The following UNC13C variants were observed in gnomAD, a reference collection of about 807,000 sequenced individuals.
UNC13C encodes the protein unc-13 homolog C.
A neutral mutation model predicts 245.4 loss-of-function variants in UNC13C; 174 were observed. The ratio of observed to expected loss-of-function variants is 0.71; its 90% CI spans 0.63 to 0.80. The LOEUF is 0.80. Among genes scored for constraint, UNC13C ranks in the 30% least tolerant of loss-of-function variants. The pLI is 0.00. For synonymous variants in UNC13C, 992 were observed against 895.1 expected (o/e 1.11, Z -1.93); for missense variants, 2,829 against 2,602.9 (o/e 1.09, Z -1.89).
rs761296402 is a variant in UNC13C, at chr15:54,627,070, T to TAA, written c.6603_6604dup (p.Arg2202LysfsTer21). On this transcript the variant is annotated frameshift_variant, in exon 33 of 33. Coordinates refer to ENST00000260323, the MANE Select transcript of UNC13C (RefSeq NM_001080534.3). LOFTEE classifies it high-confidence loss of function. ...AGTGATGATGTGGCTAAAGAATTTG[T>TAA]AAGACTTAAATCTGAAACAAGATCT... The TAA allele has an allele frequency of 1.2e-6, 2 of 1,612,784 alleles. No homozygotes were observed.
intron 4 of UNC13C, among the ~76,000 whole-genome samples, chr15:54,150,407 G>A (rs2032464209): frequency 6.6e-6 from 1 of 152,210 alleles, no homozygotes; most frequent in Non-Finnish European, 1.5e-5. Context: ...ATTGTATCAT[G>A]CCTGTTAGTC....
Position 54,381,893 on chromosome 15 carries a change from G to A in UNC13C, c.4714-11155G>A, listed in dbSNP as rs373214727. Among the ~76,000 whole-genome samples, 13 of 152,212 alleles carry A rather than the reference G, an allele frequency of 8.5e-5. No individual in the cohort carries two copies. The East Asian group carries it at 1.4e-3, about 16-fold the overall frequency. ...GACATTGGACTTAAACTGAACTTGC[G>A]ACCAAATGAATCTAACAGATACTTA... is the stretch of plus-strand genomic sequence containing the variant. On this transcript the variant is annotated intron_variant, in intron 17 of 32. Coordinates refer to ENST00000260323, the MANE Select transcript of UNC13C (RefSeq NM_001080534.3).
rs141799517 is a variant in UNC13C, at chr15:54,579,584, C to T, written c.6106+11637C>T. Among the ~76,000 whole-genome samples, 1,080 of 151,964 alleles carry T rather than the reference C, an allele frequency of 7.1e-3. 18 individuals carry two copies. The highest frequency in any genetic ancestry group is 0.025 in the African/African-American group (1,044 of 41,446). On this transcript the variant is annotated intron_variant, in intron 30 of 32. Transcript: ENST00000260323. ...CCTTCCAGCTAACACAGTGAAACCT[C>T]GTCTCTACTAAAAATACAAAAAAAA... is the stretch of plus-strand genomic sequence containing the variant.
chr15:53,841,460 T>A, the UNC13C span, among the ~76,000 whole-genome samples: 2 of 152,190 alleles, frequency 1.3e-5, no homozygotes, highest in Non-Finnish European at 2.9e-5. Context: ...ACTGAATATC[T>A]TCTTTCTCAA....
chr15:54,183,099 T>G (rs977406236), intron 4 of UNC13C, among the ~76,000 whole-genome samples: 2 of 151,784 alleles, frequency 1.3e-5, no homozygotes, highest in African/African-American at 4.8e-5. Flanking sequence ...AAAAACATTT[T>G]ACAAACCCGA....
At chr15:54,141,394 T>TG (rs2032011349) in intron 2 of UNC13C, among the ~76,000 whole-genome samples, 1 of 152,154 alleles carries the variant, frequency 6.6e-6, no homozygotes, top group Admixed American at 6.5e-5. Context: ...AATTATGCTT[T>TG]GGACAGTTTC....
intron 8 of UNC13C, among the ~76,000 whole-genome samples, chr15:54,252,705 A>G (rs2036183765): frequency 6.6e-6 from 1 of 152,214 alleles, no homozygotes; most frequent in Admixed American, 6.5e-5. Flanking sequence ...CATGAATGCC[A>G]ACACTGAAGA....
At chr15:54,080,997 G>T (rs1238242920) in intron 2 of UNC13C, among the ~76,000 whole-genome samples, 1 of 151,864 alleles carries the variant, frequency 6.6e-6, no homozygotes, top group Non-Finnish European at 1.5e-5. Context: ...ATTGGTTTTG[G>T]TATGTTGTGT....
rs975357250 is a variant in UNC13C, at chr15:54,015,874, A to G, written c.2971A>G (p.Ile991Val). ...KKQMAELEEKILAGDSSSVDE... is the reference protein window; with the variant it reads ...KKQMAELEEKVLAGDSSSVDE... ...GCAAATGGCAGAGTTGGAAGAGAAGATCTTGGCTGGAGGTATTCATGTTTA... is the reference window on the plus strand; with the variant it reads ...GCAAATGGCAGAGTTGGAAGAGAAGGTCTTGGCTGGAGGTATTCATGTTTA... Residue 991 changes from isoleucine (I) to valine (V), a missense_variant, in exon 2 of 33, where the codon ATC (isoleucine) becomes GTC (valine). Coordinates refer to ENST00000260323, the MANE Select transcript of UNC13C (RefSeq NM_001080534.3). The G allele has an allele frequency of 6.3e-7, 1 of 1,587,468 alleles. No individual in the cohort carries two copies. The highest frequency in any genetic ancestry group is 8.6e-7 in the Non-Finnish European group (1 of 1,168,940).
At chr15:54,441,043 T>C (rs890876202) in intron 19 of UNC13C, among the ~76,000 whole-genome samples, 1 of 152,124 alleles carries the variant, frequency 6.6e-6, no homozygotes, top group Non-Finnish European at 1.5e-5. Context: ...GAGTTCCTTC[T>C]ATATACTGAA....
chr15:53,963,961 A>G, the UNC13C span, among the ~76,000 whole-genome samples: 1 of 152,170 alleles, frequency 6.6e-6, no homozygotes, highest in Non-Finnish European at 1.5e-5. Context: ...TTAGCACCCA[A>G]GTTCTTTCTG....
At chr15:54,565,125 C>T (rs1170575877) in intron 29 of UNC13C, among the ~76,000 whole-genome samples, 1 of 151,898 alleles carries the variant, frequency 6.6e-6, no homozygotes, top group Non-Finnish European at 1.5e-5. Flanking sequence ...TTTGCTGGCT[C>T]CTTAGATAAC....
chr15:54,294,365 T>C (rs940664580), intron 11 of UNC13C, among the ~76,000 whole-genome samples: 6 of 152,148 alleles, frequency 3.9e-5, no homozygotes, highest in African/African-American at 1.4e-4. Flanking sequence ...TCACAAACCC[T>C]TGCCAAATAC....
intron 30 of UNC13C, among the ~76,000 whole-genome samples, chr15:54,615,467 A>C (rs1392126042): frequency 1.3e-5 from 2 of 151,940 alleles, no homozygotes; most frequent in East Asian, 3.9e-4. Flanking sequence ...TGATGCTCTC[A>C]TCCTTCAAGA....
chr15:54,475,536 C>A (rs1219504602), intron 19 of UNC13C, among the ~76,000 whole-genome samples: 1 of 151,416 alleles, frequency 6.6e-6, no homozygotes, highest in Non-Finnish European at 1.5e-5. Flanking sequence ...CAATTCCCAT[C>A]TATGAGTGAG....
intron 18 of UNC13C, among the ~76,000 whole-genome samples, chr15:54,402,061 A>T (rs1445062842): frequency 1.4e-5 from 2 of 144,302 alleles, no homozygotes; most frequent in Non-Finnish European, 3.0e-5. Flanking sequence ...TGCTGTTGAA[A>T]TGTAAAAAAA....
intron 2 of UNC13C, among the ~76,000 whole-genome samples, chr15:54,057,826 T>C (rs986195711): frequency 2.0e-5 from 3 of 152,136 alleles, no homozygotes; most frequent in African/African-American, 4.8e-5. Context: ...ACCACTCAAC[T>C]ACATGGAAAC....
chr15:54,565,434 T>G (rs144267636), intron 29 of UNC13C, among the ~76,000 whole-genome samples: 21 of 152,166 alleles, frequency 1.4e-4, no homozygotes, highest in African/African-American at 5.1e-4. Context: ...CAGTGCAATC[T>G]TACAAATTAG....
intron 2 of UNC13C, among the ~76,000 whole-genome samples, chr15:54,070,863 C>A (rs936595428): frequency 6.6e-6 from 1 of 151,978 alleles, no homozygotes; most frequent in Non-Finnish European, 1.5e-5. Context: ...GGATTTGACC[C>A]AAAAATTTCA....
Sources: allele counts gnomAD v4.1 joint callset (sites outside exome capture counted in the v4.1 genomes callset), GRCh38; gene constraint gnomAD v4.1.1; transcripts MANE v1.5; gene names NCBI Gene and HGNC (gene_info 2026-07-23, HGNC 2026-07-21).